The following SMYD3 variants were observed in gnomAD, a reference collection of about 807,000 sequenced individuals.
SMYD3 encodes the protein histone-lysine N-methyltransferase SMYD3.
A neutral mutation model predicts 57.7 loss-of-function variants in SMYD3; 36 were observed. That is an observed-to-expected ratio of 0.62 (90% CI 0.48 to 0.82). The LOEUF (loss-of-function observed/expected upper bound fraction) is 0.82, where lower values mean the gene tolerates loss of function less well. Among genes scored for constraint, SMYD3 ranks in the 40% least tolerant of loss-of-function variants. The pLI, the probability that SMYD3 is intolerant of heterozygous loss-of-function variation, is 0.00. For synonymous variants in SMYD3, 211 were observed against 195.0 expected (o/e 1.08, Z -0.68); for missense variants, 515 against 538.8 (o/e 0.96, Z 0.44).
chr1:246,186,872 G>A (rs2062649367), intron 5 of SMYD3: 11 of 985,286 alleles, frequency 1.1e-5, no homozygotes, highest in African/African-American at 1.7e-5. Flanking sequence ...CAGTTACCTC[G>A]CAGGAGAATG....
At chr1:245,811,043 C>T (rs6679206) in intron 10 of SMYD3, among the ~76,000 whole-genome samples, 97,345 of 152,042 alleles carry the variant, frequency 0.64, 35,179 homozygotes, top group Non-Finnish European at 0.83. Flanking sequence ...TTCAACATGG[C>T]TTCTTGCCTC....
intron 5 of SMYD3, among the ~76,000 whole-genome samples, chr1:246,308,392 T>C (rs1176505435): frequency 6.6e-6 from 1 of 152,104 alleles, no homozygotes; most frequent in East Asian, 1.9e-4. Flanking sequence ...TTTTTCAATA[T>C]GCCATAGAAA....
chr1:246,299,010 G>A (rs1015952871), intron 5 of SMYD3, among the ~76,000 whole-genome samples: 1 of 152,068 alleles, frequency 6.6e-6, no homozygotes, highest in African/African-American at 2.4e-5. Flanking sequence ...GTATAGGGTT[G>A]GTGGAGTGTA....
chr1:246,422,283 A>T (rs1197472399), intron 1 of SMYD3, among the ~76,000 whole-genome samples: 1 of 152,224 alleles, frequency 6.6e-6, no homozygotes, highest in East Asian at 1.9e-4. Context: ...TGTTTAGAAT[A>T]AATAGATAAA....
At chr1:246,463,833 CAAAAA>C (rs35826530) in intron 1 of SMYD3, among the ~76,000 whole-genome samples, 20 of 70,472 alleles carry the variant, frequency 2.8e-4, no homozygotes, top group African/African-American at 9.8e-4. Context: ...GACCCCGTCT[CAAAAA>C]AAAAAAAAAA....
rs866954282 is a variant in SMYD3, at chr1:245,832,036, C to T, written c.1076+26460G>A. ...GGGAGGCCTTTGCCAACTTTGTCTA[C>T]CTCCACGCTTTTTGGGCTTACTTTC... On this transcript the variant is annotated intron_variant, in intron 10 of 11. Transcript: ENST00000490107. 2.2e-4 allele frequency among the ~76,000 whole-genome samples: 34 copies of T among 152,320 alleles called. No homozygotes were observed. The Middle Eastern group carries it at 0.017, about 76-fold the overall frequency.
At chr1:246,479,262 T>C (rs947943235) in intron 1 of SMYD3, among the ~76,000 whole-genome samples, 2 of 152,252 alleles carry the variant, frequency 1.3e-5, no homozygotes, top group African/African-American at 2.4e-5. Context: ...GAATGAGGGC[T>C]AGAAGACCTG....
At position 245,920,294 on chromosome 1, in the gene SMYD3, C is replaced by T. The variant is rs908041372; in HGVS notation, c.703-4654G>A. 3.5e-5 allele frequency among the ~76,000 whole-genome samples: 4 copies of T among 113,856 alleles called. No individual in the cohort carries two copies. The East Asian group carries it at 1.2e-3, about 33-fold the overall frequency. 74.7% of individuals were successfully genotyped at this position (113,856 alleles called of 152,430 possible). A position where few individuals can be genotyped will look rare whatever the true frequency, so the allele number is the denominator to read the frequency against. ...TGCCACTGCACTCCAGCCTGGGCGA[C>T]AGAGCGAGACTCCGTCTCAAAAAAA... On this transcript the variant is annotated intron_variant, in intron 7 of 11. Coordinates refer to ENST00000490107, the MANE Select transcript of SMYD3 (RefSeq NM_001167740.2).
At chr1:245,830,529 C>T (rs557023261) in intron 10 of SMYD3, among the ~76,000 whole-genome samples, 6 of 152,266 alleles carry the variant, frequency 3.9e-5, no homozygotes, top group African/African-American at 1.2e-4. Context: ...CACAACCAAA[C>T]CTTATCAGTG....
intron 5 of SMYD3, among the ~76,000 whole-genome samples, chr1:246,326,607 A>AT (rs34267143): frequency 0.54 from 80,382 of 149,120 alleles, 22,617 homozygotes; most frequent in Middle Eastern, 0.71. Context: ...AAAAAAAAAA[A>AT]ACAAAATTTA....
At chr1:246,036,209 T>G (rs2059769599) in intron 5 of SMYD3, among the ~76,000 whole-genome samples, 1 of 152,200 alleles carries the variant, frequency 6.6e-6, no homozygotes, top group Non-Finnish European at 1.5e-5. Context: ...CCAATCAGCT[T>G]TTCAGATCTT....
In SMYD3 at chr1:246,203,938, C is replaced by A. The variant is rs61104071; in HGVS notation, c.531+123263G>T. Among the ~76,000 whole-genome samples, 19,480 of 152,106 alleles carry A rather than the reference C, an allele frequency of 0.13. 3,245 individuals are homozygous for A. The highest frequency in any genetic ancestry group is 0.38 in the African/African-American group (15,789 of 41,428). ...TGTGAAAATACCCTAAACTAGAAGT[C>A]TCAAACTCAAATATAGAGGAGCCAG... is the stretch of plus-strand genomic sequence containing the variant. On this transcript the variant is annotated intron_variant, in intron 5 of 11. Coordinates refer to ENST00000490107, the MANE Select transcript of SMYD3 (RefSeq NM_001167740.2). The surrounding 1 kb of genome is among the most constrained non-coding windows in gnomAD (Gnocchi z 4.6).
intron 5 of SMYD3, among the ~76,000 whole-genome samples, chr1:246,002,238 G>A (rs751341771): frequency 2.7e-5 from 4 of 147,916 alleles, no homozygotes; most frequent in Admixed American, 6.8e-5. Flanking sequence ...AGGCTGGAGT[G>A]CTGTGGCGCG....
intron 5 of SMYD3, among the ~76,000 whole-genome samples, chr1:246,248,430 C>T (rs527896216): frequency 1.3e-5 from 2 of 152,178 alleles, no homozygotes; most frequent in South Asian, 4.1e-4. Flanking sequence ...CCAACAGAGA[C>T]TTTTTGGAAA....
chr1:246,424,349 G>C (rs2067187077), intron 1 of SMYD3, among the ~76,000 whole-genome samples: 1 of 151,658 alleles, frequency 6.6e-6, no homozygotes, highest in African/African-American at 2.4e-5. Context: ...CAACAGAAGA[G>C]ATAAAATGGA....
chr1:246,198,414 T>C (rs994726426), intron 5 of SMYD3, among the ~76,000 whole-genome samples: 7 of 152,224 alleles, frequency 4.6e-5, no homozygotes, highest in Admixed American at 3.9e-4. Context: ...GCTCAACTAA[T>C]GAAATACTAT....
chr1:245,915,976 T>C (rs2055385201), intron 7 of SMYD3, among the ~76,000 whole-genome samples: 1 of 152,128 alleles, frequency 6.6e-6, no homozygotes, highest in African/African-American at 2.4e-5. Flanking sequence ...GCTAATAAAT[T>C]CTATAACCAT....
At position 246,278,390 on chromosome 1, in the gene SMYD3, T is replaced by C. The variant is rs535784907; in HGVS notation, c.531+48811A>G. On this transcript the variant is annotated intron_variant, in intron 5 of 11. Transcript: ENST00000490107. Reference sequence around the variant, plus strand: ...GATCTGTGACTTGCTTCTAACAGAATATGGCAAAGGTATATGTCACTCCTG... The same window carrying C: ...GATCTGTGACTTGCTTCTAACAGAACATGGCAAAGGTATATGTCACTCCTG... 1.1e-4 allele frequency among the ~76,000 whole-genome samples: 16 copies of C among 152,316 alleles called. No individual in the cohort carries two copies. The South Asian group carries it at 2.7e-3, about 26-fold the overall frequency.
chr1:245,844,416 T>C (rs1325118249), intron 10 of SMYD3, among the ~76,000 whole-genome samples: 3 of 152,214 alleles, frequency 2.0e-5, no homozygotes, highest in Non-Finnish European at 4.4e-5. Flanking sequence ...ATATATGTTA[T>C]GATTTTTATG....
Sources: gnomAD v4.1 joint callset for allele counts (sites outside exome capture counted in the v4.1 genomes callset) on GRCh38, gnomAD v4.1.1 for gene constraint, Gnocchi (gnomAD v3.1) non-coding constraint, MANE v1.5 for transcripts, NCBI Gene and HGNC (gene_info 2026-07-23, HGNC 2026-07-21) for gene names.